PCDHGA5: variants seen among roughly 807,000 people sequenced by gnomAD.
The protein encoded by PCDHGA5 is protocadherin gamma-A5.
PCDHGA5 carries 36 observed loss-of-function variants against 56.7 expected under a neutral mutation model. The ratio of observed to expected loss-of-function variants is 0.64; its 90% CI spans 0.49 to 0.84. The LOEUF (loss-of-function observed/expected upper bound fraction) is 0.84, where lower values mean the gene tolerates loss of function less well. PCDHGA5 is among the 40% of genes least tolerant of loss of function. The probability of loss-of-function intolerance (pLI) is 0.00; values close to 1 mark genes in which losing one functional copy is unlikely to be tolerated. For missense variants in PCDHGA5, 1,305 were observed against 1,201.5 expected (o/e 1.09, Z -1.27); for synonymous variants, 563 against 520.2 (o/e 1.08, Z -1.12).
chr5:141,390,263 T>G (rs1249972080), intron 1 of PCDHGA5: 2 of 1,614,054 alleles, frequency 1.2e-6, no homozygotes, highest in Non-Finnish European at 1.7e-6. Context: ...GTAATTCCAG[T>G]GAATTGACTT....
intron 1 of PCDHGA5, among the ~76,000 whole-genome samples, chr5:141,474,432 C>T (rs1050895539): frequency 6.6e-6 from 1 of 152,214 alleles, no homozygotes; most frequent in Non-Finnish European, 1.5e-5. Context: ...GGTCCTCACA[C>T]TTTGAGTAGC....
intron 1 of PCDHGA5, chr5:141,388,880 G>T: frequency 1.2e-6 from 2 of 1,613,982 alleles, no homozygotes; most frequent in Non-Finnish European, 1.7e-6. Flanking sequence ...GCACAGTGGA[G>T]GTAGAAGTCA....
intron 1 of PCDHGA5, chr5:141,424,079 C>A: frequency 3.1e-6 from 3 of 973,190 alleles, no homozygotes; most frequent in African/African-American, 1.8e-5. Context: ...TAGTTATATT[C>A]CACCATTATT....
In PCDHGA5 at chr5:141,489,948, T is replaced by C; in HGVS notation, c.2422-4859T>C. 2 of 1,614,210 alleles carry C rather than the reference T, an allele frequency of 1.2e-6. No individual in the cohort carries two copies. Among genetic ancestry groups the C allele is most frequent in the Non-Finnish European group, 1.7e-6 (2 of 1,180,030 alleles). On this transcript the variant is annotated intron_variant, in intron 1 of 3. Coordinates refer to ENST00000518069, the MANE Select transcript of PCDHGA5 (RefSeq NM_018918.3). The surrounding 1 kb of genome is among the most constrained non-coding windows in gnomAD (Gnocchi z 4.5). ...TCTCTGTCATCGTGCTGGACATCAA[T>C]GATAATGCTCCAACCTTCCAATCCT...
Position 141,487,315 on chromosome 5 carries a change from G to T in PCDHGA5, c.2422-7492G>T, listed in dbSNP as rs568326280. 11 of 1,614,166 alleles carry T rather than the reference G, an allele frequency of 6.8e-6. No individual in the cohort carries two copies. In the South Asian group the frequency reaches 1.2e-4, roughly 18 times the overall value. ...GCTCATTCGTGGCACTACTCTCTAA[G>T]TGTCTTCGTGGGGCAGCCTGTGGAG... On this transcript the variant is annotated intron_variant, in intron 1 of 3. Transcript: ENST00000518069. The surrounding 1 kb of genome is among the most constrained non-coding windows in gnomAD (Gnocchi z 5.0).
intron 1 of PCDHGA5, among the ~76,000 whole-genome samples, chr5:141,462,897 G>A (rs2099049236): frequency 6.6e-6 from 1 of 152,130 alleles, no homozygotes; most frequent in South Asian, 2.1e-4. Context: ...TGTTTTGGAA[G>A]GCTATTATGT....
rs966009387 is a variant in PCDHGA5, at chr5:141,511,564, G to A, written c.*391G>A. The A allele has an allele frequency of 3.0e-5, 9 of 295,900 alleles. No individual in the cohort carries two copies. The highest frequency in any genetic ancestry group is 4.6e-5 in the Non-Finnish European group (7 of 151,798). The allele number at this position is 295,900 out of a possible 1,614,324, so 18.3% of individuals were successfully genotyped here. A position where few individuals can be genotyped will look rare whatever the true frequency, so the allele number is the denominator to read the frequency against. ...CCCACTCCAACAGTTCCTCTTTCCC[G>A]AGTAAGGTGGTTGGGGTGTTGAAGT... On this transcript the variant is annotated 3_prime_UTR_variant, in exon 4 of 4. Transcript: ENST00000518069.
chr5:141,501,292 C>CACAT (rs200296563), intron 2 of PCDHGA5, among the ~76,000 whole-genome samples: 14,029 of 50,334 alleles, frequency 0.28, 723 homozygotes, highest in Admixed American at 0.4. Flanking sequence ...TTCCCTTATA[C>CACAT]ACACACACAC....
At chr5:141,408,784 A>G (rs777838376) in intron 1 of PCDHGA5, 2 of 1,612,506 alleles carry the variant, frequency 1.2e-6, no homozygotes, top group Admixed American at 1.7e-5. Context: ...ACCCAGAGTT[A>G]TCTCTGGAGA....
At chr5:141,500,959 C>T (rs2099804326) in intron 2 of PCDHGA5, among the ~76,000 whole-genome samples, 1 of 152,022 alleles carries the variant, frequency 6.6e-6, no homozygotes, top group South Asian at 2.1e-4. Flanking sequence ...AGCTCCACCT[C>T]CTGGGTTCAA....
intron 1 of PCDHGA5, chr5:141,398,690 G>A (rs1258068362): frequency 1.9e-6 from 3 of 1,613,914 alleles, no homozygotes; most frequent in African/African-American, 1.3e-5. Flanking sequence ...AAACAGGATG[G>A]TAGTAAATAC....
At position 141,485,848 on chromosome 5, in the gene PCDHGA5, C is replaced by G. The variant is rs1416763615; in HGVS notation, c.2422-8959C>G. 1.9e-6 allele frequency: 3 copies of G among 1,614,076 alleles called. No individual in the cohort carries two copies. The highest frequency in any genetic ancestry group is 1.1e-5 in the South Asian group (1 of 91,084). On this transcript the variant is annotated intron_variant, in intron 1 of 3. Coordinates refer to ENST00000518069, the MANE Select transcript of PCDHGA5 (RefSeq NM_018918.3). This position sits in a 1 kb window ranked among gnomAD's most constrained non-coding sequence, Gnocchi z 5.7. The stretch of plus-strand genomic sequence containing the variant: ...GAGGGAACCCGCCGAGATCTGGCAC[C>G]GCAGAGCTCCGGGTATCCGTGCTGG...
At chr5:141,453,029 A>G (rs1014709934) in intron 1 of PCDHGA5, among the ~76,000 whole-genome samples, 1 of 152,206 alleles carries the variant, frequency 6.6e-6, no homozygotes, top group Non-Finnish European at 1.5e-5. Context: ...TCATTAAAAT[A>G]AAGTTTGTTT....
At chr5:141,414,790 A>G (rs1190584746) in intron 1 of PCDHGA5, 1 of 1,614,226 alleles carries the variant, frequency 6.2e-7, no homozygotes, top group South Asian at 1.1e-5. Context: ...GGTGACAGCC[A>G]GCGACAGCGG....
At position 141,379,889 on chromosome 5, in the gene PCDHGA5, C is replaced by CTTTTTTTTTTTTTTTTTTTTTTTTTT. The variant is rs70988800; in HGVS notation, c.2421+13143_2421+13168dup. On this transcript the variant is annotated intron_variant, in intron 1 of 3. Coordinates refer to ENST00000518069, the MANE Select transcript of PCDHGA5 (RefSeq NM_018918.3). ...CTTATTTTATGGTCTGTGAAAGCCT[C>CTTTTTTTTTTTTTTTTTTTTTTTTTT]TTTTTTTTTTTTTTTTTTTTTTTTT... Among the ~76,000 whole-genome samples the CTTTTTTTTTTTTTTTTTTTTTTTTTT allele has an allele frequency of 6.9e-4, 35 of 50,830 alleles. 8 individuals carry two copies. Among genetic ancestry groups the CTTTTTTTTTTTTTTTTTTTTTTTTTT allele is most frequent in the Non-Finnish European group, 8.9e-4 (23 of 25,880 alleles). The allele number at this position is 50,830 out of a possible 152,430, so 33.3% of individuals were successfully genotyped here. A position where few individuals can be genotyped will look rare whatever the true frequency, so the allele number is the denominator to read the frequency against.
chr5:141,422,018 T>C, intron 1 of PCDHGA5: 1 of 1,610,840 alleles, frequency 6.2e-7, no homozygotes, highest in Non-Finnish European at 8.5e-7. Context: ...CGGGTGCTGA[T>C]GGTTAATGCA....
At chr5:141,394,400 G>A (rs747087099) in intron 1 of PCDHGA5, 2 of 1,614,246 alleles carry the variant, frequency 1.2e-6, no homozygotes, top group South Asian at 2.2e-5. Flanking sequence ...GAGACCTGCA[G>A]CTACTGGTAA....
chr5:141,489,013 C>T lies in PCDHGA5; in HGVS notation c.2422-5794C>T, dbSNP rs533320646. ...AGGTGGGAGATCTGCTCTTCCAGCC[C>T]GCCTCTCCTCCTCCAGCTCCCCAGC... On this transcript the variant is annotated intron_variant, in intron 1 of 3. Coordinates refer to ENST00000518069, the MANE Select transcript of PCDHGA5 (RefSeq NM_018918.3). The surrounding 1 kb of genome is among the most constrained non-coding windows in gnomAD (Gnocchi z 4.5). 4.6e-5 allele frequency: 20 copies of T among 438,612 alleles called. No homozygotes were observed. Among genetic ancestry groups the T allele is most frequent in the East Asian group, 2.7e-4 (8 of 29,802 alleles). The allele number at this position is 438,612 out of a possible 1,614,324, so 27.2% of individuals were successfully genotyped here.
intron 1 of PCDHGA5, among the ~76,000 whole-genome samples, chr5:141,484,740 G>GA (rs1047805396): frequency 2.0e-5 from 3 of 150,646 alleles, no homozygotes; most frequent in Admixed American, 1.3e-4. Context: ...GGTGTGTTAG[G>GA]AAAAAAAATG....
Sources: gnomAD v4.1 joint callset for allele counts (sites outside exome capture counted in the v4.1 genomes callset) on GRCh38, gnomAD v4.1.1 for gene constraint, Gnocchi (gnomAD v3.1) non-coding constraint, MANE v1.5 for transcripts, NCBI Gene and HGNC (gene_info 2026-07-23, HGNC 2026-07-21) for gene names.